DCAF6: variants seen among roughly 807,000 people sequenced by gnomAD.
DCAF6 encodes the protein DDB1- and CUL4-associated factor 6.
Under a neutral mutation model 125.1 loss-of-function variants are expected in DCAF6, and 54 were observed. The ratio of observed to expected loss-of-function variants is 0.43; its 90% CI spans 0.35 to 0.54. The LOEUF is 0.54. DCAF6 is among the 20% of genes least tolerant of loss of function. The probability of loss-of-function intolerance (pLI) is 0.01; values close to 1 mark genes in which losing one functional copy is unlikely to be tolerated. For synonymous variants in DCAF6, 371 were observed against 390.4 expected (o/e 0.95, Z 0.58); for missense variants, 934 against 1,161.7 (o/e 0.80, Z 2.85).
At chr1:168,042,840 A>G (rs962341106) in intron 13 of DCAF6, 185 bp from the exon 14 acceptor site, 32 of 473,204 alleles carry the variant, frequency 6.8e-5, no homozygotes, top group African/African-American at 6.0e-4. Context: ...TTTCAAGAGT[A>G]AAGTGTGTTA....
intron 17 of DCAF6, chr1:168,056,200 C>G (rs1261334463): frequency 1.2e-6 from 2 of 1,612,384 alleles, no homozygotes; most frequent in East Asian, 4.5e-5. Flanking sequence ...GCTTCCTGTG[C>G]AAAATTGCTG....
At chr1:168,007,501 T>A (rs1257503184) in intron 10 of DCAF6, among the ~76,000 whole-genome samples, 1 of 152,088 alleles carries the variant, frequency 6.6e-6, no homozygotes, top group Non-Finnish European at 1.5e-5. Flanking sequence ...TTCAACCCCC[T>A]TTTCCTCTGA....
At chr1:167,870,103 T>G in the DCAF6 span, among the ~76,000 whole-genome samples, 1 of 152,222 alleles carries the variant, frequency 6.6e-6, no homozygotes, top group East Asian at 1.9e-4. Context: ...TCTATGTGTT[T>G]ATTGTTAGTT....
chr1:167,966,715 C>A lies in DCAF6; in HGVS notation c.246C>A (p.Ser82Arg). The A allele has an allele frequency of 1.9e-6, 3 of 1,565,836 alleles. No individual in the cohort carries two copies. The highest frequency in any genetic ancestry group is 1.4e-5 in the African/African-American group (1 of 73,438). ...DTKLVISNPY[S>R]RKVLTTIRSG... ...AATTAGTAATTAGTAATCCTTACAG[C>A]AGAAAGGTAAAGTAGTTTAAAAAAT... is the stretch of plus-strand genomic sequence containing the variant. The change falls in exon 3 of 22, where the codon AGC (serine) becomes AGA (arginine). Residue 82 changes from serine to arginine, a missense_variant. Transcript: ENST00000367840.
the DCAF6 span, among the ~76,000 whole-genome samples, chr1:167,878,167 A>G: frequency 6.6e-6 from 1 of 152,222 alleles, no homozygotes; most frequent in Non-Finnish European, 1.5e-5. Flanking sequence ...GTGCAAATAG[A>G]TACTCAAATG....
At chr1:167,896,502 G>A in the DCAF6 span, 65,045 of 1,012,916 alleles carry the variant, frequency 0.064, 2,456 homozygotes, top group Middle Eastern at 0.084. Context: ...GTGTTGAGGA[G>A]CCCACCCACC....
Position 167,936,881 on chromosome 1 carries a change from G to A in DCAF6, c.-31G>A. The A allele has an allele frequency of 6.4e-7, 1 of 1,552,548 alleles. No individual in the cohort carries two copies. The highest frequency in any genetic ancestry group is 1.4e-5 in the African/African-American group (1 of 73,850). On this transcript the variant is annotated 5_prime_UTR_variant, in exon 1 of 22. Transcript: ENST00000367840. ...CCCTCCTCCCCTCCCCCACGCGGTG[G>A]TCTCCCCTCCCACCCGGCTCAGGCA...
intron 11 of DCAF6, among the ~76,000 whole-genome samples, chr1:168,017,584 G>A (rs1278016703): frequency 1.3e-5 from 2 of 151,966 alleles, no homozygotes; most frequent in Non-Finnish European, 2.9e-5. Context: ...ACTCTTAAGT[G>A]TTTTCTAATT....
chr1:168,047,702 A>ATG (rs920179792), intron 16 of DCAF6, among the ~76,000 whole-genome samples: 15 of 151,620 alleles, frequency 9.9e-5, no homozygotes, highest in African/African-American at 2.7e-4. Context: ...TTATATATAT[A>ATG]TGTGTGTGTG....
At chr1:167,985,928 A>G (rs1442101922) in intron 4 of DCAF6, among the ~76,000 whole-genome samples, 2 of 152,156 alleles carry the variant, frequency 1.3e-5, no homozygotes, top group Non-Finnish European at 2.9e-5. Flanking sequence ...AGTACAGGTT[A>G]GTTTGGGCCT....
At chr1:168,017,288 A>C (rs1280143835) in intron 11 of DCAF6, among the ~76,000 whole-genome samples, 1 of 151,920 alleles carries the variant, frequency 6.6e-6, no homozygotes, top group Non-Finnish European at 1.5e-5. Flanking sequence ...AAAATCATGA[A>C]ACCTAAAAGT....
chr1:167,966,313 C>T (rs909486893), intron 2 of DCAF6, among the ~76,000 whole-genome samples: 1 of 152,156 alleles, frequency 6.6e-6, no homozygotes, highest in Non-Finnish European at 1.5e-5. Context: ...CCGTGGGCTG[C>T]ATGAGGCCCA....
At chr1:168,072,241 G>A (rs1042081707) in intron 21 of DCAF6, among the ~76,000 whole-genome samples, 7 of 135,800 alleles carry the variant, frequency 5.2e-5, no homozygotes, top group Non-Finnish European at 1.1e-4. Flanking sequence ...AGGTTGTAGT[G>A]AGCCGAGATC....
At chr1:168,059,422 A>G (rs1226143035) in intron 17 of DCAF6, among the ~76,000 whole-genome samples, 2 of 152,158 alleles carry the variant, frequency 1.3e-5, no homozygotes, top group African/African-American at 4.8e-5. Context: ...ATAGCTTTTT[A>G]GTAAATCTTA....
In DCAF6 at chr1:168,044,572, G is replaced by A. The variant is rs1398810692; in HGVS notation, c.1844-13G>A. On this transcript the variant is annotated splice_polypyrimidine_tract_variant and intron_variant, in intron 14 of 21. Coordinates refer to ENST00000367840, the MANE Select transcript of DCAF6 (RefSeq NM_001198956.2). ...GGATACCAAGGGATGACTGTAATTT[G>A]GTTTACTTACAGAAGCTCCTGAAGA... 6.3e-7 allele frequency: 1 copy of A among 1,589,414 alleles called. No homozygotes were observed. The highest frequency in any genetic ancestry group is 1.1e-5 in the South Asian group (1 of 89,940).
At chr1:168,074,883 G>A (rs1040856163) in intron 21 of DCAF6, among the ~76,000 whole-genome samples, 1 of 152,154 alleles carries the variant, frequency 6.6e-6, no homozygotes, top group African/African-American at 2.4e-5. Flanking sequence ...ACCTAAATAA[G>A]CTCCTTGAGA....
At chr1:168,014,221 G>A (rs768491599) in intron 10 of DCAF6, among the ~76,000 whole-genome samples, 16 of 151,888 alleles carry the variant, frequency 1.1e-4, no homozygotes, top group Non-Finnish European at 2.1e-4. Context: ...AGCTCTTGTC[G>A]AGGTCATCAA....
chr1:168,028,516 A>G (rs1686637204), intron 12 of DCAF6, among the ~76,000 whole-genome samples: 1 of 152,182 alleles, frequency 6.6e-6, no homozygotes, highest in Non-Finnish European at 1.5e-5. Flanking sequence ...ATTTTCTGTT[A>G]TAGATTTAAA....
At position 168,046,464 on chromosome 1, in the gene DCAF6, G is replaced by T. The variant is rs184356648; in HGVS notation, c.2258+1237G>T. 6.1e-3 allele frequency among the ~76,000 whole-genome samples: 929 copies of T among 152,198 alleles called. 5 individuals are homozygous for T. The highest frequency in any genetic ancestry group is 0.021 in the African/African-American group (893 of 41,546). On this transcript the variant is annotated intron_variant, in intron 16 of 21. Coordinates refer to ENST00000367840, the MANE Select transcript of DCAF6 (RefSeq NM_001198956.2). ...AACTGCCTTTTCTTAACTATGAAAG[G>T]GTATGTTTCTTTCTTTAGTCATATT...
Sources: allele counts gnomAD v4.1 joint callset (sites outside exome capture counted in the v4.1 genomes callset), GRCh38; gene constraint gnomAD v4.1.1; transcripts MANE v1.5; gene names NCBI Gene and HGNC (gene_info 2026-07-23, HGNC 2026-07-21).